Variants in SHISA4 observed in about 807,000 individuals in gnomAD.
The protein encoded by SHISA4 is shisa family member 4.
SHISA4 carries 16 observed loss-of-function variants against 24.2 expected under a neutral mutation model. That is an observed-to-expected ratio of 0.66 (90% CI 0.45 to 1.00). SHISA4 has a LOEUF of 1.00. SHISA4 is among the 50% of genes least tolerant of loss of function. The pLI is 0.00. For missense variants in SHISA4, 238 were observed against 258.9 expected (o/e 0.92, Z 0.55); for synonymous variants, 106 against 105.4 (o/e 1.01, Z -0.04).
rs1348876131 is a variant in SHISA4 at position 201,891,413 on chromosome 1, C to A, written c.392C>A (p.Pro131Gln). Reference protein sequence around the residue: ...LQSPFEGQEIPMTGIPVQPVY... With the variant: ...LQSPFEGQEIQMTGIPVQPVY... ...CTCCCCCATCTAGGCCAGGAGATTCCAATGACAGGCATCCCAGTGCAGCCA... is the reference window on the plus strand; with the variant it reads ...CTCCCCCATCTAGGCCAGGAGATTCAAATGACAGGCATCCCAGTGCAGCCA... The change falls in exon 4 of 5, where the codon CCA becomes CAA. Residue 131 changes from proline (P) to glutamine (Q), a missense_variant. Transcript: ENST00000362011. 1 of 1,613,768 alleles carries A rather than the reference C, an allele frequency of 6.2e-7. No individual in the cohort carries two copies.
chr1:201,889,400 G>T, intron 1 of SHISA4, 45 bp from the exon 2 acceptor site: 3 of 1,604,666 alleles, frequency 1.9e-6, no homozygotes, highest in South Asian at 1.1e-5. Flanking sequence ...GGCTGGGGAT[G>T]AACTGGCCTG....
Position 201,891,866 on chromosome 1 carries a change from C to T in SHISA4, c.*20C>T, listed in dbSNP as rs1184552365. The stretch of plus-strand genomic sequence containing the variant: ...GCCTGAGGAACCAGCCATGTCTCTG[C>T]TGCCCCTTCAGTGATGCCAACCTTG... On this transcript the variant is annotated 3_prime_UTR_variant, in exon 5 of 5. Transcript: ENST00000362011. The T allele has an allele frequency of 5.0e-6, 8 of 1,613,748 alleles. No individual in the cohort carries two copies. The highest frequency in any genetic ancestry group is 1.3e-5 in the African/African-American group (1 of 74,918).
intron 4 of SHISA4, 77 bp downstream of exon 4, chr1:201,891,645 A>T: frequency 6.5e-7 from 1 of 1,539,314 alleles, no homozygotes. Context: ...TGCCTCTCTC[A>T]TTCTCAGATT....
chr1:201,891,949 C>G lies in SHISA4; in HGVS notation c.*103C>G. ...CCTGGGGGTGGCAGGAGTCCTCCAG[C>G]CACCAGGCCCCAGACCAAGCCAAGC... is the stretch of plus-strand genomic sequence containing the variant. On this transcript the variant is annotated 3_prime_UTR_variant, in exon 5 of 5. Transcript: ENST00000362011. 1.4e-6 allele frequency: 2 copies of G among 1,393,666 alleles called. No individual in the cohort carries two copies. Among genetic ancestry groups the G allele is most frequent in the East Asian group, 4.6e-5 (2 of 43,818 alleles). 86.3% of individuals were successfully genotyped at this position (1,393,666 alleles called of 1,614,324 possible).
In SHISA4 at chr1:201,888,923, C is replaced by A; in HGVS notation, c.-72C>A. 2 of 1,107,716 alleles carry A rather than the reference C, an allele frequency of 1.8e-6. No homozygotes were observed. The highest frequency in any genetic ancestry group is 2.4e-6 in the Non-Finnish European group (2 of 850,080). 68.6% of individuals were successfully genotyped at this position (1,107,716 alleles called of 1,614,324 possible). ...GGCCGCGGGCTGGGCCCCGCCGCAG[C>A]TCCAGCTGGCCGGCTTGGTCCTGCG... On this transcript the variant is annotated 5_prime_UTR_variant, in exon 1 of 5. Transcript: ENST00000362011.
intron 2 of SHISA4, 120 bp downstream of exon 2, chr1:201,889,736 G>GA (rs1472405600): frequency 1.7e-6 from 2 of 1,201,086 alleles, no homozygotes; most frequent in African/African-American, 3.0e-5. Context: ...TAGCTGAATA[G>GA]AGTCACCAGG....
In SHISA4 at chr1:201,891,526, T is replaced by C. The variant is rs1167086741; in HGVS notation, c.505T>C (p.Tyr169His). Residue 169 changes from tyrosine to histidine, a missense_variant, in exon 4 of 5, where the codon TAT becomes CAT. Tyr to His is a moderately conservative substitution (Grantham distance 83, BLOSUM62 2). Coordinates refer to ENST00000362011, the MANE Select transcript of SHISA4 (RefSeq NM_198149.3). ...IYPPSGPAPQ[Y>H]PLYPAGPPVY... ...CCCACCTAGTGGTCCTGCTCCCCAATATCCACTCTACCCAGCTGGGCCCCC... is the reference window on the plus strand; with the variant it reads ...CCCACCTAGTGGTCCTGCTCCCCAACATCCACTCTACCCAGCTGGGCCCCC... 6 of 1,613,340 alleles carry C rather than the reference T, an allele frequency of 3.7e-6. No individual in the cohort carries two copies. Among genetic ancestry groups the C allele is most frequent in the Admixed American group, 1.7e-5 (1 of 59,958 alleles).
rs567277210 is a variant in SHISA4, at chr1:201,891,467, C to A, written c.446C>A (p.Ala149Asp). Residue 149 changes from alanine (A) to aspartate (D), a missense_variant, in exon 4 of 5, where the codon GCT (alanine) becomes GAT (aspartate). By Grantham distance (126) the Ala-to-Asp change is moderately radical. Transcript: ENST00000362011. ...PVYPYPQDPK[A>D]GPAPPQPGFI... ...TACCCATACCCCCAGGACCCCAAAG[C>A]TGGCCCTGCACCCCCACAGCCTGGC... 6.8e-6 allele frequency: 11 copies of A among 1,613,774 alleles called. No individual in the cohort carries two copies. The highest frequency in any genetic ancestry group is 9.3e-6 in the Non-Finnish European group (11 of 1,179,916).
intron 3 of SHISA4, 115 bp downstream of exon 3, chr1:201,890,702 A>T: frequency 7.3e-7 from 1 of 1,371,082 alleles, no homozygotes; most frequent in African/African-American, 1.4e-5. Flanking sequence ...TTCTGTATAC[A>T]CACACCTGCC....
At position 201,889,670 on chromosome 1, in the gene SHISA4, C is replaced by A. The variant is rs1378453786; in HGVS notation, c.245+54C>A. ...CCTCCTCTATCCTTTTCTCCAGAGG[C>A]CTCCTCTTCCTCCCTCCCGGACTCC... is the stretch of plus-strand genomic sequence containing the variant. On this transcript the variant is annotated intron_variant, in intron 2 of 4. Transcript: ENST00000362011. 9.5e-6 allele frequency: 15 copies of A among 1,580,910 alleles called. No homozygotes were observed. The East Asian group carries it at 3.1e-4, about 33-fold the overall frequency.
Position 201,890,462 on chromosome 1 carries a change from C to T in SHISA4, c.254C>T (p.Thr85Ile). 1 of 1,614,208 alleles carries T rather than the reference C, an allele frequency of 6.2e-7. No homozygotes were observed. The highest frequency in any genetic ancestry group is 8.5e-7 in the Non-Finnish European group (1 of 1,180,016). ...QKHCLAFSPKTIAGIASAVIL... is the reference protein window; with the variant it reads ...QKHCLAFSPKIIAGIASAVIL... ...CTGTTCTTTGTCTAAAGCCCCAAGA[C>T]CATAGCAGGCATCGCCTCAGCTGTG... The change falls in exon 3 of 5, where the codon ACC becomes ATC. Residue 85 changes from threonine (T) to isoleucine (I), a missense_variant. By Grantham distance (89) the Thr-to-Ile change is moderately conservative. Coordinates refer to ENST00000362011, the MANE Select transcript of SHISA4 (RefSeq NM_198149.3).
At chr1:201,889,338 A>C in intron 1 of SHISA4, 107 bp from the exon 2 acceptor site, 1 of 1,467,486 alleles carries the variant, frequency 6.8e-7, no homozygotes, top group African/African-American at 1.4e-5. Flanking sequence ...GGCAACCCTC[A>C]GTGTTCGGGA....
In SHISA4 at chr1:201,891,419, C is replaced by T. The variant is rs781295987; in HGVS notation, c.398C>T (p.Thr133Ile). ...CATCTAGGCCAGGAGATTCCAATGA[C>T]AGGCATCCCAGTGCAGCCAGTATAC... is the stretch of plus-strand genomic sequence containing the variant. ...SPFEGQEIPM[T>I]GIPVQPVYPY... is the part of the protein sequence containing the mutation. The change falls in exon 4 of 5, where the codon ACA becomes ATA. Residue 133 changes from threonine to isoleucine, a missense_variant. Thr to Ile is a moderately conservative substitution (Grantham distance 89). Coordinates refer to ENST00000362011, the MANE Select transcript of SHISA4 (RefSeq NM_198149.3). 2.5e-6 allele frequency: 4 copies of T among 1,613,822 alleles called. No homozygotes were observed. The African/African-American group carries it at 5.3e-5, about 22-fold the overall frequency.
rs745347103 is a variant in SHISA4 at position 201,890,518 on chromosome 1, A to G, written c.310A>G (p.Ile104Val). ...CTTTGTTGCTGTGGTTGCCACCACCATCTGCTGCTTCCTCTGTTCCTGTTG... is the reference window on the plus strand; with the variant it reads ...CTTTGTTGCTGTGGTTGCCACCACCGTCTGCTGCTTCCTCTGTTCCTGTTG... ...ILFVAVVATT[I>V]CCFLCSCCYL... Residue 104 changes from isoleucine (I) to valine (V), a missense_variant, in exon 3 of 5, where the codon ATC becomes GTC. Coordinates refer to ENST00000362011, the MANE Select transcript of SHISA4 (RefSeq NM_198149.3). The G allele has an allele frequency of 7.4e-6, 12 of 1,614,102 alleles. No homozygotes were observed. Among genetic ancestry groups the G allele is most frequent in the Non-Finnish European group, 1.0e-5 (12 of 1,180,052 alleles).
chr1:201,889,163 C>G (rs1681043366), intron 1 of SHISA4, 96 bp downstream of exon 1: 1 of 1,205,860 alleles, frequency 8.3e-7, no homozygotes, highest in East Asian at 2.6e-5. Flanking sequence ...TTCTCCGAGA[C>G]CCTCCGGCTG....
At chr1:201,890,630 C>T (rs1386087943) in intron 3 of SHISA4, 43 bp downstream of exon 3, 1 of 1,608,104 alleles carries the variant, frequency 6.2e-7, no homozygotes, top group South Asian at 1.1e-5. Flanking sequence ...ATGGGCTGGG[C>T]TAAGTCCAAT....
chr1:201,891,297 G>C (rs571831054), intron 3 of SHISA4, 104 bp from the exon 4 acceptor site: 2 of 1,417,816 alleles, frequency 1.4e-6, no homozygotes, highest in African/African-American at 2.8e-5. Context: ...CCTGGAGCTT[G>C]CCAGAGGCCA....
At chr1:201,890,688 G>A (rs1681077963) in intron 3 of SHISA4, 101 bp downstream of exon 3, 1 of 1,485,324 alleles carries the variant, frequency 6.7e-7, no homozygotes. Flanking sequence ...GTAGTAGTAT[G>A]TGCTTCTGTA....
rs924024488 is a variant in SHISA4 at position 201,891,851 on chromosome 1, C to A, written c.*5C>A. On this transcript the variant is annotated 3_prime_UTR_variant, in exon 5 of 5. Transcript: ENST00000362011. ...CCCTCTTACCCGGGAGCCTGAGGAA[C>A]CAGCCATGTCTCTGCTGCCCCTTCA... is the stretch of plus-strand genomic sequence containing the variant. 15 of 1,613,966 alleles carry A rather than the reference C, an allele frequency of 9.3e-6. No individual in the cohort carries two copies. The highest frequency in any genetic ancestry group is 1.2e-5 in the Non-Finnish European group (14 of 1,179,914).
Sources: allele counts gnomAD v4.1 joint callset, GRCh38; gene constraint gnomAD v4.1.1; transcripts MANE v1.5; gene names NCBI Gene and HGNC (gene_info 2026-07-23, HGNC 2026-07-21).